Variants in GRAMD4 observed in about 807,000 individuals in gnomAD.
GRAMD4 encodes the protein GRAM domain-containing protein 4.
A neutral mutation model predicts 83.9 loss-of-function variants in GRAMD4; 25 were observed. The ratio of observed to expected loss-of-function variants is 0.30; its 90% CI spans 0.22 to 0.42. The LOEUF (loss-of-function observed/expected upper bound fraction) is 0.42, where lower values mean the gene tolerates loss of function less well. Among genes scored for constraint, GRAMD4 ranks in the 10% least tolerant of loss-of-function variants. The pLI, the probability that GRAMD4 is intolerant of heterozygous loss-of-function variation, is 1.00. For missense variants in GRAMD4, 593 were observed against 788.7 expected (o/e 0.75, Z 2.97); for synonymous variants, 336 against 320.9 (o/e 1.05, Z -0.50).
chr22:46,648,947 G>GATGGATGGATGGATGGATGGATGC lies in GRAMD4; in HGVS notation c.284-9217_284-9216insCATGGATGGATGGATGGATGGATG, dbSNP rs1569288703. Among the ~76,000 whole-genome samples, 109 of 80,042 alleles carry GATGGATGGATGGATGGATGGATGC rather than the reference G, an allele frequency of 1.4e-3. 1 individual carries two copies. The highest frequency in any genetic ancestry group is 2.4e-3 in the Non-Finnish European group (84 of 34,762). 52.5% of individuals were successfully genotyped at this position (80,042 alleles called of 152,430 possible). A position where few individuals can be genotyped will look rare whatever the true frequency, so the allele number is the denominator to read the frequency against. On this transcript the variant is annotated intron_variant, in intron 3 of 18. Transcript: ENST00000406902. ...GGATGGATGGATGCATGGATGGATG[G>GATGGATGGATGGATGGATGGATGC]ATGGATGGATGGATGGATGGATGGA...
chr22:46,618,627 T>C (rs966691139), upstream of GRAMD4, among the ~76,000 whole-genome samples: 11 of 152,140 alleles, frequency 7.2e-5, no homozygotes, highest in Non-Finnish European at 7.4e-5. The surrounding 1 kb of genome is among the most constrained non-coding windows in gnomAD (Gnocchi z 5.8). Flanking sequence ...GATTTTGCCT[T>C]TGAAGGCCTC....
At chr22:46,577,175 C>T in exon 1 of GRAMD4, 6 of 582,736 alleles carry the variant, frequency 1.0e-5, no homozygotes, top group Non-Finnish European at 1.3e-5. Flanking sequence ...CCGCCTCCTC[C>T]CGGCTCCCCG....
At chr22:46,575,800 C>T (rs1004938910), upstream of GRAMD4, among the ~76,000 whole-genome samples, 5 of 152,334 alleles carry the variant, frequency 3.3e-5, no homozygotes, top group East Asian at 3.9e-4. Flanking sequence ...GCAGCCCTTG[C>T]GGAAGCGCTG....
At chr22:46,576,580 G>A (rs946995005), upstream of GRAMD4, among the ~76,000 whole-genome samples, 21 of 152,212 alleles carry the variant, frequency 1.4e-4, no homozygotes, top group African/African-American at 4.8e-4. Flanking sequence ...CAGGTACTGC[G>A]CGAGTCTAGC....
intron 14 of GRAMD4, among the ~76,000 whole-genome samples, chr22:46,673,439 C>T (rs36030561): frequency 2.0e-5 from 3 of 152,248 alleles, no homozygotes; most frequent in Non-Finnish European, 2.9e-5. Context: ...GAGCAGGCCT[C>T]GGTGCTCCCT....
At chr22:46,650,873 G>T (rs1355562317) in intron 3 of GRAMD4, among the ~76,000 whole-genome samples, 1 of 152,208 alleles carries the variant, frequency 6.6e-6, no homozygotes, top group Non-Finnish European at 1.5e-5. Flanking sequence ...TAAACCTTGC[G>T]CTAGAGCTTG....
intron 7 of GRAMD4, 49 bp downstream of exon 7, chr22:46,663,912 G>A: frequency 6.2e-7 from 1 of 1,604,368 alleles, no homozygotes; most frequent in Non-Finnish European, 8.5e-7. Flanking sequence ...AGTGTGGGTG[G>A]GGCCCATGGC....
intron 1 of GRAMD4, among the ~76,000 whole-genome samples, chr22:46,602,281 G>A (rs2081319105): frequency 6.6e-6 from 1 of 152,214 alleles, no homozygotes; most frequent in Non-Finnish European, 1.5e-5. Context: ...TTCCTTCCAT[G>A]CCACTCTCCA....
chr22:46,589,345 C>T (rs1382860775), intron 1 of GRAMD4, among the ~76,000 whole-genome samples: 3 of 72,766 alleles, frequency 4.1e-5, no homozygotes, highest in Non-Finnish European at 7.9e-5. Context: ...GGGGGCAGCT[C>T]TGATATGTGG....
intron 1 of GRAMD4, among the ~76,000 whole-genome samples, chr22:46,577,951 C>T (rs955074740): frequency 6.6e-6 from 1 of 152,176 alleles, no homozygotes. Flanking sequence ...AGGACCTGCA[C>T]CCCTGCCAGG....
chr22:46,647,567 C>T (rs1031715822), intron 3 of GRAMD4, among the ~76,000 whole-genome samples: 2 of 152,264 alleles, frequency 1.3e-5, no homozygotes, highest in African/African-American at 4.8e-5. Flanking sequence ...CCTGAACACA[C>T]CTGCCTGTGT....
intron 3 of GRAMD4, among the ~76,000 whole-genome samples, chr22:46,648,016 C>T (rs2082095925): frequency 6.6e-6 from 1 of 152,226 alleles, no homozygotes; most frequent in South Asian, 2.1e-4. Flanking sequence ...GGGCCTGGGC[C>T]CAGAGCCTGG....
rs370294828 is a variant in GRAMD4 at position 46,661,385 on chromosome 22, G to A, written c.409G>A (p.Glu137Lys). The change falls in exon 5 of 19, where the codon GAG becomes AAG. Residue 137 changes from glutamate (E) to lysine (K), a missense_variant. Glu to Lys is a moderately conservative substitution (Grantham distance 56, BLOSUM62 1). Around this residue, in one of 4 missense-constraint regions of GRAMD4, gnomAD observed 312 missense variants for 350.7 expected, o/e 0.89. Coordinates refer to ENST00000406902, the MANE Select transcript of GRAMD4 (RefSeq NM_015124.5). ...KVQEVLKARTEEQMAQQPPKG... is the reference protein window; with the variant it reads ...KVQEVLKARTKEQMAQQPPKG... ...CTTCTCTCCCTGCTTTTTAAGAACC[G>A]AGGAGCAGATGGCTCAGCAGCCCCC... 5.0e-6 allele frequency: 8 copies of A among 1,612,124 alleles called. No homozygotes were observed. Among genetic ancestry groups the A allele is most frequent in the Admixed American group, 3.3e-5 (2 of 59,996 alleles).
intron 13 of GRAMD4, among the ~76,000 whole-genome samples, chr22:46,669,592 T>C (rs76287655): frequency 2.7e-5 from 4 of 150,922 alleles, no homozygotes; most frequent in Non-Finnish European, 5.9e-5. Context: ...TTTTTTTTTT[T>C]GGAGACGGAG....
In GRAMD4 at chr22:46,678,621, C is replaced by T. The variant is rs192461643; in HGVS notation, c.*1370C>T. On this transcript the variant is annotated 3_prime_UTR_variant, in exon 19 of 19. Coordinates refer to ENST00000406902, the MANE Select transcript of GRAMD4 (RefSeq NM_015124.5). ...AGCTTGTCCTGAGTCCCTTGGGTGT[C>T]GTTGAGATTGTTGTTTTTTGAAGAA... 5.7e-5 allele frequency: 56 copies of T among 985,464 alleles called. No individual in the cohort carries two copies. In the East Asian group the frequency reaches 4.5e-3, roughly 80 times the overall value. The allele number at this position is 985,464 out of a possible 1,614,324, so 61.0% of individuals were successfully genotyped here.
Position 46,621,033 on chromosome 22 carries a change from G to A in GRAMD4, c.-50+468G>A, listed in dbSNP as rs375034948. ...TGGAGGGGCTGGTCCTGGGGAGAGC[G>A]GCTGGGCTGCAGGCTGAGGAGCTGG... On this transcript the variant is annotated intron_variant, in intron 1 of 18. Coordinates refer to ENST00000406902, the MANE Select transcript of GRAMD4 (RefSeq NM_015124.5). The surrounding 1 kb of genome is among the most constrained non-coding windows in gnomAD (Gnocchi z 5.8). Among the ~76,000 whole-genome samples, 106 of 152,114 alleles carry A rather than the reference G, an allele frequency of 7.0e-4. No homozygotes were observed. Among genetic ancestry groups the A allele is most frequent in the African/African-American group, 2.4e-3 (98 of 41,504 alleles).
intron 4 of GRAMD4, 76 bp from the exon 5 acceptor site, chr22:46,661,305 G>T: frequency 8.8e-7 from 1 of 1,140,452 alleles, no homozygotes. Context: ...GGTCGCGAGA[G>T]CCCTCGGGGG....
chr22:46,609,860 C>T (rs76911116), intron 1 of GRAMD4, among the ~76,000 whole-genome samples: 11,348 of 152,252 alleles, frequency 0.075, 722 homozygotes, highest in African/African-American at 0.18. Context: ...CAGTAAGAGG[C>T]GCCTCTCTGA....
At chr22:46,629,445 C>T (rs2081731659) in intron 2 of GRAMD4, among the ~76,000 whole-genome samples, 1 of 152,150 alleles carries the variant, frequency 6.6e-6, no homozygotes, top group African/African-American at 2.4e-5. Context: ...GGCTCCTTTG[C>T]GAAGCCTCGT....
Sources: gnomAD v4.1 joint callset for allele counts (sites outside exome capture counted in the v4.1 genomes callset) on GRCh38, gnomAD v4.1.1 for gene constraint, gnomAD v4.1.1 regional missense constraint, Gnocchi (gnomAD v3.1) non-coding constraint, MANE v1.5 for transcripts, NCBI Gene and HGNC (gene_info 2026-07-23, HGNC 2026-07-21) for gene names.